Variants in GALC observed in about 807,000 individuals in gnomAD.
GALC encodes the protein galactocerebrosidase.
In GALC, 77 loss-of-function variants were observed where a neutral mutation model predicts 91.8. That is an observed-to-expected ratio of 0.84 (90% CI 0.70 to 1.01). The LOEUF is 1.01. Ranked by LOEUF, GALC falls within the 50% of genes least tolerant of loss-of-function variation. GALC has a pLI of 0.00. For missense variants in GALC, 882 were observed against 855.9 expected (o/e 1.03, Z -0.38); for synonymous variants, 357 against 306.7 (o/e 1.16, Z -1.71).
chr14:87,974,557 G>C (rs919096667), intron 7 of GALC, among the ~76,000 whole-genome samples: 1 of 152,042 alleles, frequency 6.6e-6, no homozygotes, highest in Non-Finnish European at 1.5e-5. Flanking sequence ...GGGTAGCCCT[G>C]AACAGTTCAA....
intron 10 of GALC, among the ~76,000 whole-genome samples, chr14:87,957,302 G>A (rs142328173): frequency 3.9e-5 from 6 of 152,072 alleles, no homozygotes; most frequent in African/African-American, 9.6e-5. Flanking sequence ...ATTTGCTTTT[G>A]GGGTCTTAGT....
At position 87,934,737 on chromosome 14, in the gene GALC, G is replaced by A. The variant is rs756141815; in HGVS notation, c.2053C>T (p.Arg685Cys). The A allele has an allele frequency of 3.3e-5, 53 of 1,613,018 alleles. No homozygotes were observed. The highest frequency in any genetic ancestry group is 1.6e-4 in the Middle Eastern group (1 of 6,074). The change falls in exon 17 of 17, where the codon CGC becomes TGC. Residue 685 changes from arginine (R) to cysteine (C), a missense_variant. By Grantham distance (180) the Arg-to-Cys change is radical. Transcript: ENST00000261304. ...QFDNFLVEAT[R>C] ...CTATGATGCCCTGTTAAGTATTAGC[G>A]TGTGGCTTCCACAAGAAAGTTGTCA...
chr14:87,990,342 A>C (rs2139763094), intron 1 of GALC, among the ~76,000 whole-genome samples: 1 of 152,318 alleles, frequency 6.6e-6, no homozygotes, highest in South Asian at 2.1e-4. Flanking sequence ...ATCATTAATA[A>C]GCTATGTAAT....
chr14:87,956,591 T>TAC (rs1167476681), intron 10 of GALC, among the ~76,000 whole-genome samples: 4 of 123,600 alleles, frequency 3.2e-5, no homozygotes, highest in African/African-American at 1.4e-4. Context: ...ACACCATATA[T>TAC]ATACACACAC....
chr14:87,948,072 T>A (rs574648034), intron 12 of GALC, among the ~76,000 whole-genome samples, 194 bp from the exon 13 acceptor site: 3 of 152,088 alleles, frequency 2.0e-5, no homozygotes, highest in Non-Finnish European at 4.4e-5. Flanking sequence ...GAAAACTTTA[T>A]AAAATTATGC....
chr14:87,984,323 C>A, intron 5 of GALC, 71 bp downstream of exon 5: 1 of 1,484,656 alleles, frequency 6.7e-7, no homozygotes, highest in Non-Finnish European at 9.2e-7. Context: ...AAAAGTACCA[C>A]AGAATCAAAT....
At chr14:87,973,324 G>A (rs1886370921) in intron 7 of GALC, among the ~76,000 whole-genome samples, 1 of 152,136 alleles carries the variant, frequency 6.6e-6, no homozygotes. Flanking sequence ...GGACTTGAAG[G>A]TGAGCATTTA....
intron 10 of GALC, chr14:87,953,348 C>A: frequency 7.0e-7 from 1 of 1,420,134 alleles, no homozygotes; most frequent in Non-Finnish European, 9.9e-7. Context: ...ATAAGAATAT[C>A]TGAAGAGAAT....
At chr14:87,962,479 C>A (rs953051729) in intron 10 of GALC, among the ~76,000 whole-genome samples, 1 of 151,972 alleles carries the variant, frequency 6.6e-6, no homozygotes, top group African/African-American at 2.4e-5. Context: ...TTTGTCCTGG[C>A]TCAAACCTGA....
At chr14:87,983,530 A>G (rs1177461529) in intron 5 of GALC, among the ~76,000 whole-genome samples, 1 of 152,174 alleles carries the variant, frequency 6.6e-6, no homozygotes, top group Non-Finnish European at 1.5e-5. Context: ...TAGCCCTCAA[A>G]TATTACAGTC....
intron 14 of GALC, 58 bp from the exon 15 acceptor site, chr14:87,941,616 C>G: frequency 1.8e-6 from 2 of 1,139,158 alleles, no homozygotes; most frequent in Non-Finnish European, 2.7e-6. Flanking sequence ...TAACATAGTA[C>G]AGATATGTCA....
At chr14:87,954,960 G>A (rs1259316653) in intron 10 of GALC, 1 of 1,476,046 alleles carries the variant, frequency 6.8e-7, no homozygotes, top group Non-Finnish European at 9.5e-7. Context: ...TGATAGAGAA[G>A]ATTCTTCTCA....
At chr14:87,938,348 G>C (rs72629366) in intron 16 of GALC, among the ~76,000 whole-genome samples, 1 of 151,960 alleles carries the variant, frequency 6.6e-6, no homozygotes, top group Admixed American at 6.6e-5. Context: ...GAGATGGGGC[G>C]CTGTTTTCTA....
In GALC at chr14:87,953,630, G is replaced by A; in HGVS notation, c.1162-2882C>T. ...CACAAAAGTGCTATTAAAAGAAGCT[G>A]CACCTCTGAAGATAAAGTGGGCCAG... On this transcript the variant is annotated intron_variant, in intron 10 of 16. Transcript: ENST00000261304. The A allele has an allele frequency of 2.5e-6, 4 of 1,609,778 alleles. No homozygotes were observed. The South Asian group carries it at 4.4e-5, about 18-fold the overall frequency.
At position 87,953,325 on chromosome 14, in the gene GALC, A is replaced by C. The variant is rs1267463019; in HGVS notation, c.1162-2577T>G. 61 of 1,433,948 alleles carry C rather than the reference A, an allele frequency of 4.3e-5. No individual in the cohort carries two copies. The South Asian group carries it at 6.6e-4, about 15-fold the overall frequency. The allele number at this position is 1,433,948 out of a possible 1,614,324, so 88.8% of individuals were successfully genotyped here. Reference sequence around the variant, plus strand: ...TAAACATGGAGACTGAACCAAAGGCAAGTTACGGGAAGATAAGAATATCTG... The same window carrying C: ...TAAACATGGAGACTGAACCAAAGGCCAGTTACGGGAAGATAAGAATATCTG... On this transcript the variant is annotated intron_variant, in intron 10 of 16. Coordinates refer to ENST00000261304, the MANE Select transcript of GALC (RefSeq NM_000153.4).
chr14:87,954,179 A>G, intron 10 of GALC: 1 of 1,589,448 alleles, frequency 6.3e-7, no homozygotes, highest in Non-Finnish European at 8.6e-7. Context: ...TGTCCTCAAA[A>G]CATTCCTACC....
chr14:87,968,291 A>C, intron 8 of GALC, 44 bp downstream of exon 8: 1 of 1,514,696 alleles, frequency 6.6e-7, no homozygotes, highest in South Asian at 1.2e-5. Context: ...TTATGTTTTT[A>C]AATTTTTTTT....
intron 8 of GALC, among the ~76,000 whole-genome samples, chr14:87,967,958 T>A (rs979577733): frequency 6.6e-6 from 1 of 152,176 alleles, no homozygotes; most frequent in Non-Finnish European, 1.5e-5. Context: ...AACATGATAC[T>A]GTGATCATGT....
intron 13 of GALC, among the ~76,000 whole-genome samples, chr14:87,946,193 G>A (rs1467718037): frequency 6.6e-6 from 1 of 152,064 alleles, no homozygotes; most frequent in Non-Finnish European, 1.5e-5. Flanking sequence ...TATCTGTCAA[G>A]CAAGGTTCCA....
Sources: allele counts gnomAD v4.1 joint callset (sites outside exome capture counted in the v4.1 genomes callset), GRCh38; gene constraint gnomAD v4.1.1; transcripts MANE v1.5; gene names NCBI Gene and HGNC (gene_info 2026-07-23, HGNC 2026-07-21).